The following MARK3 variants were observed in gnomAD, a reference collection of about 807,000 sequenced individuals.
MARK3 encodes microtubule affinity regulating kinase 3.
In MARK3, 46 loss-of-function variants were observed where a neutral mutation model predicts 90.1. That is an observed-to-expected ratio of 0.51 (90% CI 0.40 to 0.65). The LOEUF is 0.65. Among genes scored for constraint, MARK3 ranks in the 30% least tolerant of loss-of-function variants. The pLI is 0.00. For synonymous variants in MARK3, 321 were observed against 332.6 expected (o/e 0.97, Z 0.38); for missense variants, 818 against 947.2 (o/e 0.86, Z 1.79).
At chr14:103,474,249 A>G (rs550316491) in intron 12 of MARK3, among the ~76,000 whole-genome samples, 46 of 152,100 alleles carry the variant, frequency 3.0e-4, no homozygotes, top group Non-Finnish European at 4.1e-4. Context: ...TAAGATTACC[A>G]CTGGATTATC....
At chr14:103,481,638 C>T (rs2093819693) in intron 14 of MARK3, among the ~76,000 whole-genome samples, 1 of 15,354 alleles carries the variant, frequency 6.5e-5, no homozygotes, top group South Asian at 3.3e-3. Context: ...TCTTTTATGA[C>T]TCGTGTGTGT....
chr14:103,456,361 G>C (rs550233152), intron 5 of MARK3, among the ~76,000 whole-genome samples: 2 of 152,266 alleles, frequency 1.3e-5, no homozygotes, highest in African/African-American at 4.8e-5. Flanking sequence ...TTGTAGTAGA[G>C]CCAGAGTCCT....
chr14:103,492,059 T>C (rs556089830), intron 15 of MARK3, 25 bp downstream of exon 15: 96 of 1,609,742 alleles, frequency 6.0e-5, no homozygotes, highest in Non-Finnish European at 7.9e-5. Context: ...CTGGTTGTTT[T>C]GGAGTGAACA....
intron 1 of MARK3, among the ~76,000 whole-genome samples, chr14:103,399,712 AG>A (rs148549726): frequency 6.4e-4 from 81 of 127,270 alleles, no homozygotes; most frequent in Non-Finnish European, 1.1e-3. Flanking sequence ...AAAAAAAAAA[AG>A]AAAAAAAAAA....
intron 1 of MARK3, among the ~76,000 whole-genome samples, chr14:103,401,323 A>G (rs1045882797): frequency 4.6e-5 from 7 of 152,198 alleles, no homozygotes; most frequent in Non-Finnish European, 8.8e-5. Context: ...AGTCTGCTGT[A>G]TGAGGAAATA....
intron 2 of MARK3, among the ~76,000 whole-genome samples, chr14:103,422,294 A>G (rs1221011731): frequency 4.6e-5 from 7 of 152,174 alleles, no homozygotes; most frequent in African/African-American, 1.7e-4. Context: ...TGTCTCTACT[A>G]AAAATACAAA....
At chr14:103,408,983 C>T (rs908979165) in intron 2 of MARK3, among the ~76,000 whole-genome samples, 1 of 152,076 alleles carries the variant, frequency 6.6e-6, no homozygotes, top group African/African-American at 2.4e-5. Context: ...TTAGTTCCCA[C>T]CAGTTCCAGG....
intron 5 of MARK3, among the ~76,000 whole-genome samples, chr14:103,452,469 G>GTT (rs1404035040): frequency 1.2e-5 from 1 of 84,188 alleles, no homozygotes; most frequent in Non-Finnish European, 3.2e-5. Flanking sequence ...TACAGGATTT[G>GTT]TCTTTTTTTT....
intron 1 of MARK3, 81 bp downstream of exon 1, chr14:103,386,161 T>TCC: frequency 7.4e-7 from 1 of 1,342,950 alleles, no homozygotes; most frequent in Middle Eastern, 1.8e-4. Context: ...AGTCGGGTGT[T>TCC]CCCCCCAGCC....
chr14:103,471,340 T>A (rs1417800364), intron 12 of MARK3, among the ~76,000 whole-genome samples: 2 of 152,178 alleles, frequency 1.3e-5, no homozygotes, highest in Non-Finnish European at 2.9e-5. Context: ...GCTTTAGACA[T>A]GGTATTGTAC....
At chr14:103,490,143 C>G (rs572183800) in intron 14 of MARK3, 1 of 152,132 alleles carries the variant, frequency 6.6e-6, no homozygotes, top group Admixed American at 6.5e-5. Flanking sequence ...CATGACAAAA[C>G]TCTCTCTACT....
intron 3 of MARK3, among the ~76,000 whole-genome samples, chr14:103,443,410 T>C (rs1202938965): frequency 6.6e-6 from 1 of 152,252 alleles, no homozygotes; most frequent in Admixed American, 6.5e-5. Flanking sequence ...GTTTCACTTA[T>C]AATATCCATT....
At chr14:103,401,075 T>A (rs768102994) in intron 1 of MARK3, among the ~76,000 whole-genome samples, 1 of 151,838 alleles carries the variant, frequency 6.6e-6, no homozygotes, top group Non-Finnish European at 1.5e-5. Context: ...TTTGTTTAAA[T>A]GTTTAATGTT....
intron 2 of MARK3, among the ~76,000 whole-genome samples, chr14:103,409,021 G>T (rs2091470985): frequency 6.6e-6 from 1 of 152,048 alleles, no homozygotes; most frequent in African/African-American, 2.4e-5. Flanking sequence ...CCTCATGTGG[G>T]CAGAGATGGT....
At chr14:103,474,501 A>T (rs930374371) in intron 12 of MARK3, among the ~76,000 whole-genome samples, 2 of 152,080 alleles carry the variant, frequency 1.3e-5, no homozygotes, top group Non-Finnish European at 2.9e-5. Flanking sequence ...TCCCCTGTCT[A>T]CTCAAACTCC....
chr14:103,454,185 C>T (rs559033570), intron 5 of MARK3, among the ~76,000 whole-genome samples: 1 of 152,018 alleles, frequency 6.6e-6, no homozygotes, highest in East Asian at 1.9e-4. Context: ...GGGCTCAGTG[C>T]ACTTGGCAAC....
intron 3 of MARK3, among the ~76,000 whole-genome samples, chr14:103,433,093 C>CTTTT (rs1285320294): frequency 2.5e-5 from 3 of 118,034 alleles, no homozygotes; most frequent in Non-Finnish European, 3.6e-5. Flanking sequence ...CTTTTCTTTT[C>CTTTT]TTTTTTTTTT....
At chr14:103,469,828 C>T (rs866288283) in intron 12 of MARK3, among the ~76,000 whole-genome samples, 8 of 151,790 alleles carry the variant, frequency 5.3e-5, no homozygotes, top group South Asian at 2.1e-4. Context: ...CTTGGGAGGC[C>T]GAGGCGTGTG....
intron 14 of MARK3, among the ~76,000 whole-genome samples, chr14:103,487,644 T>G (rs1475707428): frequency 6.6e-6 from 1 of 152,168 alleles, no homozygotes; most frequent in Admixed American, 6.5e-5. Flanking sequence ...TAGCTCCTAA[T>G]TTGGGCAAGA....
Sources: gnomAD v4.1 joint callset for allele counts (sites outside exome capture counted in the v4.1 genomes callset) on GRCh38, gnomAD v4.1.1 for gene constraint, MANE v1.5 for transcripts, NCBI Gene and HGNC (gene_info 2026-07-23, HGNC 2026-07-21) for gene names.